TANC2: variants seen among roughly 807,000 people sequenced by gnomAD.
TANC2 encodes the protein tetratricopeptide repeat, ankyrin repeat and coiled-coil containing 2.
TANC2 carries 26 observed loss-of-function variants against 210.5 expected under a neutral mutation model. That is an observed-to-expected ratio of 0.12 (90% CI 0.09 to 0.17). TANC2 has a LOEUF of 0.17. TANC2 is among the 10% of genes least tolerant of loss of function. TANC2 has a pLI of 1.00. For synonymous variants in TANC2, 931 were observed against 967.1 expected, an observed-to-expected ratio of 0.96 and a Z score of 0.69; for missense variants, 2,129 against 2,608.9, an observed-to-expected ratio of 0.82 and a Z score of 4.01.
intron 4 of TANC2, chr17:63,148,147 C>T (rs1176886325): frequency 6.6e-6 from 1 of 152,156 alleles, no homozygotes; most frequent in African/African-American, 2.4e-5. Flanking sequence ...CTAATGTAAG[C>T]ATTCTGGTTT....
chr17:63,304,596 C>G (rs2044835635), intron 9 of TANC2, among the ~76,000 whole-genome samples: 1 of 152,168 alleles, frequency 6.6e-6, no homozygotes, highest in African/African-American at 2.4e-5. Flanking sequence ...ATTAACAAAG[C>G]ACTTTGACTG....
chr17:63,421,369 C>T lies in TANC2; in HGVS notation c.5639C>T (p.Thr1880Ile). ...AGTATCTCCTCCACCTCCAACCTAA[C>T]TCCGACCTTCCGGCCATCTTCTTCC... is the stretch of plus-strand genomic sequence containing the variant. The change falls in exon 28 of 28, where the codon ACT (threonine) becomes ATT (isoleucine). Residue 1880 changes from threonine to isoleucine, a missense_variant. Physicochemically the swap from Thr to Ile is moderately conservative, Grantham distance 89 (BLOSUM62 -1). Coordinates refer to ENST00000689528, the Ensembl canonical transcript of TANC2. This position sits in a 1 kb window ranked among gnomAD's most constrained non-coding sequence, Gnocchi z 6.9. 5 of 1,614,044 alleles carry T rather than the reference C, an allele frequency of 3.1e-6. No homozygotes were observed. The highest frequency in any genetic ancestry group is 3.4e-6 in the Non-Finnish European group (4 of 1,179,882).
Position 63,383,840 on chromosome 17 carries a change from G to C in TANC2, c.2691+4014G>C, listed in dbSNP as rs145404779. On this transcript the variant is annotated intron_variant, in intron 15 of 27. Transcript: ENST00000689528. ...CATTCCCACCGGCAGCGACTGATCA[G>C]TAGTATTTTTGAAAAGCTTCCCAGG... Among the ~76,000 whole-genome samples the C allele has an allele frequency of 3.3e-5, 5 of 152,274 alleles. No homozygotes were observed. The East Asian group carries it at 5.8e-4, about 18-fold the overall frequency.
intron 5 of TANC2, among the ~76,000 whole-genome samples, chr17:63,158,025 C>T (rs1173415957): frequency 2.0e-5 from 3 of 152,024 alleles, no homozygotes; most frequent in African/African-American, 7.2e-5. Flanking sequence ...TTCATGTATA[C>T]TGTAGTTATT....
chr17:63,371,404 T>A (rs1243938233), intron 14 of TANC2, among the ~76,000 whole-genome samples: 1 of 151,066 alleles, frequency 6.6e-6, no homozygotes, highest in African/African-American at 2.4e-5. Context: ...AGGCAGAGGT[T>A]GCAGTGAGCT....
At chr17:63,405,249 C>T (rs1449505019) in exon 20 of TANC2, 2 of 1,576,866 alleles carry the variant, frequency 1.3e-6, no homozygotes, top group Non-Finnish European at 1.7e-6. Flanking sequence ...GCCAGGGCCA[C>T]TGGCAGGTAA....
At chr17:63,266,890 C>G (rs1042371029) in intron 8 of TANC2, among the ~76,000 whole-genome samples, 1 of 152,012 alleles carries the variant, frequency 6.6e-6, no homozygotes, top group African/African-American at 2.4e-5. Context: ...CTCTCTGTTG[C>G]CAAGTCTGTA....
intron 5 of TANC2, among the ~76,000 whole-genome samples, chr17:63,181,469 A>G (rs1440068907): frequency 6.6e-6 from 1 of 152,180 alleles, no homozygotes. Context: ...AGGAAGGGAG[A>G]AAGTTGTATT....
At chr17:63,103,037 C>T (rs546113310) in intron 4 of TANC2, among the ~76,000 whole-genome samples, 80 of 152,106 alleles carry the variant, frequency 5.3e-4, no homozygotes, top group African/African-American at 1.9e-3. Flanking sequence ...CATTTCATAT[C>T]AAGGATTTGA....
At chr17:63,135,224 G>A (rs928278899) in intron 4 of TANC2, among the ~76,000 whole-genome samples, 2 of 151,982 alleles carry the variant, frequency 1.3e-5, no homozygotes, top group African/African-American at 2.4e-5. Context: ...AAAATAAAAA[G>A]CAAAAAACCC....
At chr17:63,353,428 T>C (rs1247253900) in intron 13 of TANC2, among the ~76,000 whole-genome samples, 1 of 152,080 alleles carries the variant, frequency 6.6e-6, no homozygotes, top group Admixed American at 6.6e-5. Flanking sequence ...GGGGTGAGTT[T>C]TGTGGCGGGG....
chr17:63,168,110 G>A (rs1158203188), intron 5 of TANC2, among the ~76,000 whole-genome samples: 2 of 152,070 alleles, frequency 1.3e-5, no homozygotes, highest in African/African-American at 4.8e-5. Flanking sequence ...GCTCGTGCCT[G>A]TAATCCCAAC....
At chr17:63,149,620 C>A (rs1166537934) in intron 4 of TANC2, 1 of 151,978 alleles carries the variant, frequency 6.6e-6, no homozygotes, top group Non-Finnish European at 1.5e-5. Context: ...ACTATATAAT[C>A]ATTTTTCCTA....
chr17:63,173,465 C>A (rs1423590886), intron 5 of TANC2, among the ~76,000 whole-genome samples: 2 of 152,214 alleles, frequency 1.3e-5, no homozygotes, highest in Non-Finnish European at 2.9e-5. Context: ...TTGCTTCCAA[C>A]TTAAGACCAA....
At chr17:63,280,791 T>G (rs940530274) in intron 9 of TANC2, among the ~76,000 whole-genome samples, 1 of 152,088 alleles carries the variant, frequency 6.6e-6, no homozygotes, top group Non-Finnish European at 1.5e-5. Context: ...GGAACTTCAG[T>G]AGGTCTTTTT....
chr17:63,142,976 AC>A (rs2039340126), intron 4 of TANC2, among the ~76,000 whole-genome samples: 3 of 151,960 alleles, frequency 2.0e-5, no homozygotes, highest in African/African-American at 4.8e-5. Context: ...CTTCTGTCTT[AC>A]CCCCTCATTA....
At position 63,281,941 on chromosome 17, in the gene TANC2, A is replaced by G. The variant is rs139760337; in HGVS notation, c.1159+14068A>G. ...AGAGGGAAAAACTTTCTTGAGCCTC[A>G]GAGGGAGCATGGCCCTAGGGACACC... On this transcript the variant is annotated intron_variant, in intron 9 of 27. Coordinates refer to ENST00000689528, the Ensembl canonical transcript of TANC2. Among the ~76,000 whole-genome samples, 5 of 152,230 alleles carry G rather than the reference A, an allele frequency of 3.3e-5. No individual in the cohort carries two copies. The East Asian group carries it at 9.6e-4, about 29-fold the overall frequency.
intron 9 of TANC2, among the ~76,000 whole-genome samples, chr17:63,304,621 G>A (rs935706027): frequency 6.6e-6 from 1 of 152,164 alleles, no homozygotes; most frequent in Non-Finnish European, 1.5e-5. Context: ...TTGGTGGACG[G>A]GGGTGCTTTG....
At chr17:63,319,115 G>T in intron 11 of TANC2, 25 bp downstream of exon 11, 5 of 1,596,900 alleles carry the variant, frequency 3.1e-6, no homozygotes, top group East Asian at 2.3e-5. Context: ...CCACGTTGGG[G>T]ATATGGTAGT....
Sources: allele counts gnomAD v4.1 joint callset (sites outside exome capture counted in the v4.1 genomes callset), GRCh38; gene constraint gnomAD v4.1.1; non-coding constraint Gnocchi (gnomAD v3.1); transcripts MANE v1.5; gene names NCBI Gene and HGNC (gene_info 2026-07-23, HGNC 2026-07-21).